The following PRTG variants were observed in gnomAD, a reference collection of about 807,000 sequenced individuals.
The protein encoded by PRTG is immunoglobulin superfamily, DCC subclass, member 5.
Under a neutral mutation model 122.5 loss-of-function variants are expected in PRTG, and 67 were observed. That is an observed-to-expected ratio of 0.55 (90% CI 0.45 to 0.67). The LOEUF is 0.67. Among genes scored for constraint, PRTG ranks in the 30% least tolerant of loss-of-function variants. The probability of loss-of-function intolerance (pLI) is 0.00; values close to 1 mark genes in which losing one functional copy is unlikely to be tolerated. For synonymous variants in PRTG, 554 were observed against 501.1 expected (o/e 1.11, Z -1.41); for missense variants, 1,435 against 1,415.4 (o/e 1.01, Z -0.22).
At chr15:55,671,729 G>A (rs189475611) in intron 11 of PRTG, among the ~76,000 whole-genome samples, 118 of 152,134 alleles carry the variant, frequency 7.8e-4, no homozygotes, top group African/African-American at 2.7e-3. Flanking sequence ...TTGAACTCCC[G>A]ACCTCAAGAG....
intron 11 of PRTG, among the ~76,000 whole-genome samples, chr15:55,658,969 A>G (rs906169184): frequency 6.6e-6 from 1 of 152,216 alleles, no homozygotes; most frequent in African/African-American, 2.4e-5. Flanking sequence ...AATCAGGCAA[A>G]ATGTGCTGCC....
At chr15:55,633,802 G>T (rs2059241112) in intron 15 of PRTG, among the ~76,000 whole-genome samples, 1 of 151,942 alleles carries the variant, frequency 6.6e-6, no homozygotes, top group African/African-American at 2.4e-5. Flanking sequence ...ATGAATCATT[G>T]GCCTTAGCTA....
intron 1 of PRTG, 63 bp downstream of exon 1, chr15:55,742,775 C>A: frequency 6.5e-7 from 1 of 1,531,094 alleles, no homozygotes; most frequent in South Asian, 1.2e-5. Flanking sequence ...CCTCTTTCCC[C>A]ATCCCACTCG....
chr15:55,685,309 G>A (rs1372879666), intron 2 of PRTG, among the ~76,000 whole-genome samples: 2 of 152,138 alleles, frequency 1.3e-5, no homozygotes, highest in Non-Finnish European at 2.9e-5. Flanking sequence ...ACAAGCACAG[G>A]ACAAGGCCAG....
At chr15:55,639,552 G>A (rs1254841073) in intron 13 of PRTG, 90 bp downstream of exon 13, 11 of 1,166,066 alleles carry the variant, frequency 9.4e-6, no homozygotes, top group South Asian at 7.6e-5. Context: ...GGTGAAGCCC[G>A]AGCTGGGCCC....
At chr15:55,741,500 C>T (rs1707725955) in intron 1 of PRTG, among the ~76,000 whole-genome samples, 2 of 152,194 alleles carry the variant, frequency 1.3e-5, no homozygotes, top group Admixed American at 1.3e-4. Flanking sequence ...AGGCTTTATC[C>T]TAAGCATATA....
rs1250904103 is a variant in PRTG at position 55,617,226 on chromosome 15, A to G, written c.*2786T>C. The G allele has an allele frequency of 1.1e-4, 16 of 150,870 alleles. No individual in the cohort carries two copies. The highest frequency in any genetic ancestry group is 1.1e-3 in the Admixed American group (16 of 15,102). The allele number at this position is 150,870 out of a possible 1,614,324, so 9.3% of individuals were successfully genotyped here. ...AGACCAAAGTATTTATTTTTGGTAAAAAAAAAAAATTTTCTCTCCAACAAG... is the reference window on the plus strand; with the variant it reads ...AGACCAAAGTATTTATTTTTGGTAAGAAAAAAAAATTTTCTCTCCAACAAG... On this transcript the variant is annotated 3_prime_UTR_variant, in exon 20 of 20. Coordinates refer to ENST00000389286, the MANE Select transcript of PRTG (RefSeq NM_173814.6).
chr15:55,619,737 C>A lies in PRTG; in HGVS notation c.*275G>T, dbSNP rs1036264961. 10 of 399,592 alleles carry A rather than the reference C, an allele frequency of 2.5e-5. No individual in the cohort carries two copies. The highest frequency in any genetic ancestry group is 4.3e-5 in the East Asian group (1 of 23,246). 24.8% of individuals were successfully genotyped at this position (399,592 alleles called of 1,614,324 possible). Reference sequence around the variant, plus strand: ...ATTACACAAGTTTAAAAATAAAAAACAAAACACATTCAAAAAAAGCTAAAA... The same window carrying A: ...ATTACACAAGTTTAAAAATAAAAAAAAAAACACATTCAAAAAAAGCTAAAA... On this transcript the variant is annotated 3_prime_UTR_variant, in exon 20 of 20. Transcript: ENST00000389286.
intron 11 of PRTG, among the ~76,000 whole-genome samples, chr15:55,666,581 G>A (rs2059440542): frequency 2.6e-5 from 4 of 152,150 alleles, no homozygotes; most frequent in Admixed American, 1.3e-4. Flanking sequence ...GTTTTAACAA[G>A]ATCTGTGGGT....
rs112637886 is a variant in PRTG, at chr15:55,673,344, T to A, written c.1852+27A>T. The A allele has an allele frequency of 1.3e-4, 197 of 1,520,332 alleles. 1 individual carries two copies. The highest frequency in any genetic ancestry group is 1.3e-3 in the African/African-American group (94 of 72,762). 94.2% of individuals were successfully genotyped at this position (1,520,332 alleles called of 1,614,324 possible). A position where few individuals can be genotyped will look rare whatever the true frequency, so the allele number is the denominator to read the frequency against. The stretch of plus-strand genomic sequence containing the variant: ...TTGATTCAAAAGTAAAAATACTGTA[T>A]TTTCTTAACAGTCTTCAGAAATTCA... On this transcript the variant is annotated intron_variant, in intron 10 of 19. Coordinates refer to ENST00000389286, the MANE Select transcript of PRTG (RefSeq NM_173814.6).
At chr15:55,643,934 GCT>G (rs1472681714) in intron 11 of PRTG, among the ~76,000 whole-genome samples, 1 of 151,800 alleles carries the variant, frequency 6.6e-6, no homozygotes, top group Non-Finnish European at 1.5e-5. Flanking sequence ...TGCAATCATG[GCT>G]CATTGCAGCC....
rs543777678 is a variant in PRTG, at chr15:55,664,308, AT to A, written c.2041+8136del. 5.7e-4 allele frequency among the ~76,000 whole-genome samples: 87 copies of A among 152,026 alleles called. 2 individuals carry two copies. The South Asian group carries it at 0.018, about 31-fold the overall frequency. On this transcript the variant is annotated intron_variant, in intron 11 of 19. Coordinates refer to ENST00000389286, the MANE Select transcript of PRTG (RefSeq NM_173814.6). ...AGGTGTCTGCCACAACGCCCAGCTAATTTTTGTTATTTTTAGTAGAGATGGG... is the reference window on the plus strand; with the variant it reads ...AGGTGTCTGCCACAACGCCCAGCTAATTTTGTTATTTTTAGTAGAGATGGG...
At chr15:55,637,979 T>C (rs1038668482) in intron 14 of PRTG, among the ~76,000 whole-genome samples, 2 of 152,194 alleles carry the variant, frequency 1.3e-5, no homozygotes, top group Non-Finnish European at 2.9e-5. Flanking sequence ...GTCATAAATG[T>C]CCCTTACTTT....
intron 11 of PRTG, among the ~76,000 whole-genome samples, chr15:55,649,249 G>A (rs1423048519): frequency 2.0e-5 from 3 of 152,142 alleles, no homozygotes; most frequent in African/African-American, 7.2e-5. Context: ...TAGTGGTTAA[G>A]AGCTGGGATA....
intron 11 of PRTG, chr15:55,655,566 C>A (rs1385497980): frequency 1.3e-5 from 2 of 152,084 alleles, no homozygotes; most frequent in Non-Finnish European, 2.9e-5. Flanking sequence ...CACTCAGTTA[C>A]AGAAACAGCC....
At chr15:55,644,667 G>A (rs565222047) in intron 11 of PRTG, among the ~76,000 whole-genome samples, 3 of 152,058 alleles carry the variant, frequency 2.0e-5, no homozygotes, top group Non-Finnish European at 2.9e-5. Context: ...GCAGTTCCCC[G>A]TCTCCTATGT....
chr15:55,627,726 C>T (rs927896448), intron 16 of PRTG, among the ~76,000 whole-genome samples: 2 of 152,102 alleles, frequency 1.3e-5, no homozygotes, highest in Non-Finnish European at 2.9e-5. Context: ...AGGTACAAAA[C>T]ATAGATGTTC....
intron 7 of PRTG, 21 bp from the exon 8 acceptor site, chr15:55,678,065 A>C: frequency 6.9e-7 from 1 of 1,451,912 alleles, no homozygotes; most frequent in Non-Finnish European, 9.5e-7. Flanking sequence ...AAAAAAAATT[A>C]TTTCCATGAA....
rs569689595 is a variant in PRTG at position 55,631,932 on chromosome 15, T to C, written c.2624-2928A>G. ...CTTTTGGAAGACAGAAAACTTTTTT[T>C]CATATTTGGACCATAGTGTCCATTC... On this transcript the variant is annotated intron_variant, in intron 15 of 19. Transcript: ENST00000389286. 4.6e-5 allele frequency among the ~76,000 whole-genome samples: 7 copies of C among 152,354 alleles called. No individual in the cohort carries two copies. In the East Asian group the frequency reaches 1.2e-3, roughly 25 times the overall value.
Sources: gnomAD v4.1 joint callset for allele counts (sites outside exome capture counted in the v4.1 genomes callset) on GRCh38, gnomAD v4.1.1 for gene constraint, MANE v1.5 for transcripts, NCBI Gene and HGNC (gene_info 2026-07-23, HGNC 2026-07-21) for gene names.